EYA1: variants seen among roughly 807,000 people sequenced by gnomAD.
EYA1 encodes the protein EYA transcriptional coactivator and phosphatase 1.
In EYA1, 16 loss-of-function variants were observed where a neutral mutation model predicts 82.0. The ratio of observed to expected loss-of-function variants is 0.20; its 90% CI spans 0.13 to 0.30. The LOEUF is 0.30. Among genes scored for constraint, EYA1 ranks in the 10% least tolerant of loss-of-function variants. EYA1 has a pLI of 1.00. For missense variants in EYA1, 633 were observed against 730.7 expected, an observed-to-expected ratio of 0.87 and a Z score of 1.54; for synonymous variants, 261 against 264.4, an observed-to-expected ratio of 0.99 and a Z score of 0.12.
chr8:71,306,603 C>A (rs1423638754), intron 7 of EYA1, among the ~76,000 whole-genome samples: 1 of 152,120 alleles, frequency 6.6e-6, no homozygotes, highest in African/African-American at 2.4e-5. Flanking sequence ...CACCATGGTA[C>A]TTTAGGATGT....
chr8:71,250,536 T>C (rs1813630010), intron 11 of EYA1, among the ~76,000 whole-genome samples: 1 of 152,230 alleles, frequency 6.6e-6, no homozygotes, highest in South Asian at 2.1e-4. Context: ...TCCTGTTTTT[T>C]AGATTCAGAG....
intron 2 of EYA1, among the ~76,000 whole-genome samples, chr8:71,528,335 T>C (rs1448786127): frequency 2.0e-5 from 3 of 152,222 alleles, no homozygotes; most frequent in Admixed American, 6.5e-5. Flanking sequence ...GGTAGAGGGC[T>C]TGACATTGTG....
chr8:71,398,022 A>G (rs13265023), intron 2 of EYA1, among the ~76,000 whole-genome samples: 76,168 of 151,742 alleles, frequency 0.5, 19,922 homozygotes, highest in Middle Eastern at 0.61. Context: ...TTCTCTTCTC[A>G]CTTCATTTCA....
At chr8:71,494,282 G>C (rs1335401504) in intron 2 of EYA1, among the ~76,000 whole-genome samples, 1 of 152,084 alleles carries the variant, frequency 6.6e-6, no homozygotes, top group Non-Finnish European at 1.5e-5. Context: ...AGAAGCTTTG[G>C]TTCCTTGCAC....
At chr8:71,293,688 T>C (rs975483549) in intron 9 of EYA1, among the ~76,000 whole-genome samples, 6 of 151,842 alleles carry the variant, frequency 4.0e-5, no homozygotes, top group African/African-American at 1.2e-4. Flanking sequence ...AGAAAAACCA[T>C]ATGATCAAAT....
intron 11 of EYA1, among the ~76,000 whole-genome samples, chr8:71,245,006 C>G (rs1812903944): frequency 6.6e-6 from 1 of 152,146 alleles, no homozygotes; most frequent in Non-Finnish European, 1.5e-5. Context: ...CTTTTTATGT[C>G]TATTTCAGGA....
intron 2 of EYA1, among the ~76,000 whole-genome samples, chr8:71,428,041 A>G (rs1805361197): frequency 6.6e-6 from 1 of 151,910 alleles, no homozygotes; most frequent in Admixed American, 6.6e-5. Flanking sequence ...TGAGTCTGGA[A>G]CGAGGCATAT....
chr8:71,492,743 G>GC (rs1811114445), intron 2 of EYA1, among the ~76,000 whole-genome samples: 1 of 152,146 alleles, frequency 6.6e-6, no homozygotes, highest in Non-Finnish European at 1.5e-5. Flanking sequence ...GGGATTACAG[G>GC]CGTGAGCCAC....
intron 2 of EYA1, among the ~76,000 whole-genome samples, chr8:71,471,673 T>A (rs762442982): frequency 6.6e-6 from 1 of 152,098 alleles, no homozygotes; most frequent in Non-Finnish European, 1.5e-5. Flanking sequence ...TATGAGCACA[T>A]TCCTCACAGC....
chr8:71,547,265 G>C (rs989334249), intron 1 of EYA1, among the ~76,000 whole-genome samples: 2 of 152,116 alleles, frequency 1.3e-5, no homozygotes, highest in Admixed American at 1.3e-4. Context: ...CTGGAGCTTC[G>C]AGCTCACGCA....
At chr8:71,353,563 A>G (rs1262006659) in intron 3 of EYA1, among the ~76,000 whole-genome samples, 2 of 152,214 alleles carry the variant, frequency 1.3e-5, no homozygotes, top group Non-Finnish European at 2.9e-5. Context: ...AGAAAAATGC[A>G]GAATATTTAC....
intron 6 of EYA1, among the ~76,000 whole-genome samples, chr8:71,319,422 G>A (rs1247230028): frequency 3.3e-5 from 5 of 152,108 alleles, no homozygotes; most frequent in South Asian, 2.1e-4. Flanking sequence ...GAGCCACTGC[G>A]CCTGGCCTAA....
At chr8:71,325,148 A>G (rs1209129839) in intron 4 of EYA1, among the ~76,000 whole-genome samples, 1 of 152,186 alleles carries the variant, frequency 6.6e-6, no homozygotes, top group Non-Finnish European at 1.5e-5. Flanking sequence ...TAGGTTATCT[A>G]GGCTCCCAGA....
At chr8:71,313,080 AT>A (rs1290179339) in intron 7 of EYA1, among the ~76,000 whole-genome samples, 2 of 152,018 alleles carry the variant, frequency 1.3e-5, no homozygotes, top group Non-Finnish European at 2.9e-5. Context: ...AGCTGAGTTT[AT>A]TTTTTGCCAG....
At chr8:71,201,159 A>G (rs575710654) in intron 17 of EYA1, among the ~76,000 whole-genome samples, 9 of 150,404 alleles carry the variant, frequency 6.0e-5, no homozygotes, top group Admixed American at 2.0e-4. Flanking sequence ...GATTTATTGG[A>G]TATTGTGTTA....
intron 9 of EYA1, among the ~76,000 whole-genome samples, chr8:71,281,414 T>C (rs1817806322): frequency 6.6e-6 from 1 of 152,324 alleles, no homozygotes; most frequent in South Asian, 2.1e-4. Flanking sequence ...AACATTTTGC[T>C]CCTAAAAGTT....
intron 2 of EYA1, among the ~76,000 whole-genome samples, chr8:71,524,572 A>G (rs1813673092): frequency 6.6e-6 from 1 of 152,236 alleles, no homozygotes; most frequent in South Asian, 2.1e-4. Context: ...CTCATTAAAG[A>G]AAGAAATCAT....
chr8:71,479,331 C>T (rs143067120), intron 2 of EYA1, among the ~76,000 whole-genome samples: 162 of 152,268 alleles, frequency 1.1e-3, no homozygotes, highest in Middle Eastern at 3.4e-3. Flanking sequence ...GGCCTGCCTA[C>T]CCTGAACACC....
chr8:71,211,264 A>G lies in EYA1; in HGVS notation c.1598-8T>C. The G allele has an allele frequency of 1.3e-6, 2 of 1,561,586 alleles. No individual in the cohort carries two copies. Among genetic ancestry groups the G allele is most frequent in the Non-Finnish European group, 1.8e-6 (2 of 1,132,808 alleles). On this transcript the variant is annotated splice_polypyrimidine_tract_variant and splice_region_variant and intron_variant, in intron 16 of 17. Transcript: ENST00000340726. The stretch of plus-strand genomic sequence containing the variant: ...CAAAACAGCTTTCTTTTCCTAGTGA[A>G]CAAAAATAAATGATAGAAAATGTGA...
Sources: gnomAD v4.1 joint callset for allele counts (sites outside exome capture counted in the v4.1 genomes callset) on GRCh38, gnomAD v4.1.1 for gene constraint, MANE v1.5 for transcripts, NCBI Gene and HGNC (gene_info 2026-07-23, HGNC 2026-07-21) for gene names.